The following P4HA1 variants were observed in gnomAD, a reference collection of about 807,000 sequenced individuals.
The protein encoded by P4HA1 is prolyl 4-hydroxylase subunit alpha-1.
P4HA1 carries 24 observed loss-of-function variants against 72.8 expected under a neutral mutation model. That is an observed-to-expected ratio of 0.33 (90% CI 0.24 to 0.46). The LOEUF (loss-of-function observed/expected upper bound fraction) is 0.46, where lower values mean the gene tolerates loss of function less well. P4HA1 is among the 20% of genes least tolerant of loss of function. P4HA1 has a pLI of 1.00. For missense variants in P4HA1, 446 were observed against 640.6 expected (o/e 0.70, Z 3.28); for synonymous variants, 201 against 218.8 (o/e 0.92, Z 0.72).
chr10:73,049,547 A>G (rs1398417657), intron 7 of P4HA1, among the ~76,000 whole-genome samples: 1 of 152,212 alleles, frequency 6.6e-6, no homozygotes, highest in Non-Finnish European at 1.5e-5. Context: ...ACAAAAACCT[A>G]TGTTCAACTT....
chr10:73,039,965 G>C (rs1840694737), intron 9 of P4HA1, among the ~76,000 whole-genome samples: 1 of 147,818 alleles, frequency 6.8e-6, no homozygotes, highest in South Asian at 2.2e-4. Context: ...AGGCTCAAGT[G>C]ATCTACCCAC....
intron 5 of P4HA1, among the ~76,000 whole-genome samples, chr10:73,061,853 T>C (rs990164280): frequency 1.3e-5 from 2 of 152,098 alleles, no homozygotes; most frequent in African/African-American, 2.4e-5. Context: ...AGCACATCTC[T>C]GCAAAAAATT....
chr10:73,087,052 A>G (rs1010027043), intron 1 of P4HA1, among the ~76,000 whole-genome samples: 4 of 151,986 alleles, frequency 2.6e-5, no homozygotes, highest in Admixed American at 6.6e-5. Context: ...ACCTTCATAA[A>G]AAACTGCCAA....
intron 9 of P4HA1, among the ~76,000 whole-genome samples, chr10:73,037,729 G>A (rs534450241): frequency 1.3e-5 from 2 of 150,338 alleles, no homozygotes; most frequent in South Asian, 4.2e-4. Flanking sequence ...TTGCTTCATA[G>A]TGGGATAATT....
chr10:73,048,261 TTTTTTG>T (rs909811700), intron 7 of P4HA1, among the ~76,000 whole-genome samples: 25 of 152,118 alleles, frequency 1.6e-4, no homozygotes, highest in African/African-American at 4.6e-4. Context: ...AGAAAAAGAA[TTTTTTG>T]TTTTTGTTTT....
chr10:73,045,259 TG>T (rs761841228), intron 8 of P4HA1, among the ~76,000 whole-genome samples: 6 of 151,682 alleles, frequency 4.0e-5, no homozygotes, highest in Non-Finnish European at 7.4e-5. Flanking sequence ...TTTTTTGTTT[TG>T]CATAGATGGA....
chr10:73,090,401 T>C (rs1383090680), intron 1 of P4HA1, among the ~76,000 whole-genome samples: 1 of 152,234 alleles, frequency 6.6e-6, no homozygotes, highest in African/African-American at 2.4e-5. Context: ...CCCAAAGGGT[T>C]GGGATTACAG....
chr10:73,044,470 T>C (rs142923273), intron 9 of P4HA1, among the ~76,000 whole-genome samples: 95 of 152,280 alleles, frequency 6.2e-4, no homozygotes, highest in Non-Finnish European at 1.0e-3. Context: ...CGAATTTTTT[T>C]AAATAAAAAA....
rs1839833912 is a variant in P4HA1 at position 73,008,174 on chromosome 10, T to C, written c.*48A>G. On this transcript the variant is annotated 3_prime_UTR_variant, in exon 15 of 15. Transcript: ENST00000394890. Reference sequence around the variant, plus strand: ...AAGTTAAGACTAGGAAATGTGTATATCAGACACATAAGAGTACAACAATAG... The same window carrying C: ...AAGTTAAGACTAGGAAATGTGTATACCAGACACATAAGAGTACAACAATAG... 1 of 1,107,772 alleles carries C rather than the reference T, an allele frequency of 9.0e-7. No homozygotes were observed. The highest frequency in any genetic ancestry group is 1.4e-6 in the Non-Finnish European group (1 of 724,694). 68.6% of individuals were successfully genotyped at this position (1,107,772 alleles called of 1,614,324 possible).
rs907574830 is a variant in P4HA1, at chr10:73,007,313, A to C, written c.*909T>G. The C allele has an allele frequency of 1.3e-5, 2 of 152,600 alleles. No homozygotes were observed. The highest frequency in any genetic ancestry group is 2.4e-5 in the African/African-American group (1 of 41,440). The allele number at this position is 152,600 out of a possible 1,614,324, so 9.5% of individuals were successfully genotyped here. A position where few individuals can be genotyped will look rare whatever the true frequency, so the allele number is the denominator to read the frequency against. ...CAAACATTTTGGCTTTCTAAGAAAA[A>C]GACTTTTAAAAAAAATCAATTCCCT... is the stretch of plus-strand genomic sequence containing the variant. On this transcript the variant is annotated 3_prime_UTR_variant, in exon 15 of 15. Coordinates refer to ENST00000394890, the MANE Select transcript of P4HA1 (RefSeq NM_001017962.3).
intron 4 of P4HA1, among the ~76,000 whole-genome samples, chr10:73,069,810 T>C (rs1164714559): frequency 1.3e-5 from 2 of 151,194 alleles, no homozygotes; most frequent in East Asian, 1.9e-4. Flanking sequence ...TCAACTGTTT[T>C]GTTTTTTTTT....
chr10:73,063,435 A>G (rs1225429842), intron 5 of P4HA1, among the ~76,000 whole-genome samples: 2 of 152,220 alleles, frequency 1.3e-5, no homozygotes, highest in Admixed American at 1.3e-4. Context: ...CTGGCCATGA[A>G]GTTTCACCAC....
intron 1 of P4HA1, among the ~76,000 whole-genome samples, chr10:73,091,755 T>G (rs1842037064): frequency 6.6e-6 from 1 of 152,186 alleles, no homozygotes; most frequent in South Asian, 2.1e-4. Context: ...CTAGAGAAAC[T>G]TGTGTTTAAC....
At chr10:73,086,674 T>C (rs1236604515) in intron 1 of P4HA1, among the ~76,000 whole-genome samples, 1 of 152,182 alleles carries the variant, frequency 6.6e-6, no homozygotes, top group African/African-American at 2.4e-5. Context: ...GGCTCACGCC[T>C]GTAATCCCGG....
At chr10:73,009,060 T>A (rs1323887837) in intron 14 of P4HA1, among the ~76,000 whole-genome samples, 2 of 152,252 alleles carry the variant, frequency 1.3e-5, no homozygotes, top group Middle Eastern at 3.4e-3. Flanking sequence ...TTCTAAACTC[T>A]CTCTCACCAA....
chr10:73,069,014 CTG>C (rs1007496079), intron 4 of P4HA1, 31 bp from the exon 5 acceptor site: 2 of 1,510,524 alleles, frequency 1.3e-6, no homozygotes, highest in Non-Finnish European at 1.8e-6. Flanking sequence ...GAAAAAAAAA[CTG>C]TAGAACCTCA....
chr10:73,043,719 C>CAT (rs1211961821), intron 9 of P4HA1, among the ~76,000 whole-genome samples: 1 of 152,172 alleles, frequency 6.6e-6, no homozygotes, highest in Non-Finnish European at 1.5e-5. Flanking sequence ...TTAACTGCCC[C>CAT]ATAACCATGT....
intron 2 of P4HA1, among the ~76,000 whole-genome samples, chr10:73,074,590 TAAG>T (rs1841650321): frequency 6.6e-6 from 1 of 152,186 alleles, no homozygotes. Flanking sequence ...TGAAAAAGAC[TAAG>T]TATATGCATT....
At chr10:73,010,171 T>C (rs1208667883) in intron 13 of P4HA1, among the ~76,000 whole-genome samples, 1 of 152,102 alleles carries the variant, frequency 6.6e-6, no homozygotes, top group Non-Finnish European at 1.5e-5. Context: ...TTTCACCATG[T>C]TGGTCAGGCT....
Sources: gnomAD v4.1 joint callset for allele counts (sites outside exome capture counted in the v4.1 genomes callset) on GRCh38, gnomAD v4.1.1 for gene constraint, MANE v1.5 for transcripts, NCBI Gene and HGNC (gene_info 2026-07-23, HGNC 2026-07-21) for gene names.